GUCY2C: variants seen among roughly 807,000 people sequenced by gnomAD.
GUCY2C encodes the protein guanylate cyclase 2C.
In GUCY2C, 118 loss-of-function variants were observed where a neutral mutation model predicts 131.1. That is an observed-to-expected ratio of 0.90 (90% CI 0.78 to 1.05). The LOEUF is 1.05. GUCY2C is among the 50% of genes least tolerant of loss of function. GUCY2C has a pLI of 0.00. For synonymous variants in GUCY2C, 452 were observed against 457.8 expected, an observed-to-expected ratio of 0.99 and a Z score of 0.16; for missense variants, 1,161 against 1,304.4, an observed-to-expected ratio of 0.89 and a Z score of 1.69.
At chr12:14,621,793 C>G (rs1311340260) in intron 22 of GUCY2C, among the ~76,000 whole-genome samples, 2 of 152,102 alleles carry the variant, frequency 1.3e-5, no homozygotes, top group Non-Finnish European at 2.9e-5. Flanking sequence ...CCTGTTGTAT[C>G]TTTTTTGCTG....
chr12:14,659,487 C>A (rs1947824688), intron 11 of GUCY2C, among the ~76,000 whole-genome samples: 1 of 152,172 alleles, frequency 6.6e-6, no homozygotes, highest in South Asian at 2.1e-4. Flanking sequence ...TTGACAAACT[C>A]ATTCTCACCT....
At chr12:14,656,178 G>A (rs1299594694) in intron 12 of GUCY2C, among the ~76,000 whole-genome samples, 1 of 152,148 alleles carries the variant, frequency 6.6e-6, no homozygotes, top group Non-Finnish European at 1.5e-5. Context: ...GGATAGATTA[G>A]CATCCAAGGT....
intron 19 of GUCY2C, among the ~76,000 whole-genome samples, chr12:14,633,740 G>T (rs1360944578): frequency 6.6e-6 from 1 of 151,706 alleles, no homozygotes; most frequent in Non-Finnish European, 1.5e-5. Flanking sequence ...ACAAACTCTG[G>T]AACTGAAGAA....
chr12:14,656,722 T>G (rs1429043344), intron 11 of GUCY2C, 105 bp from the exon 12 acceptor site: 2 of 582,336 alleles, frequency 3.4e-6, no homozygotes, highest in Non-Finnish European at 6.3e-6. Context: ...CAGGTAGATA[T>G]GTGTGAGGGA....
At position 14,679,730 on chromosome 12, in the gene GUCY2C, C is replaced by T; in HGVS notation, c.757G>A (p.Glu253Lys). The T allele has an allele frequency of 6.3e-7, 1 of 1,584,938 alleles. No homozygotes were observed. The highest frequency in any genetic ancestry group is 8.7e-7 in the Non-Finnish European group (1 of 1,153,522). Residue 253 changes from glutamate to lysine, a missense_variant, in exon 6 of 27, where the codon GAG becomes AAG. Physicochemically the swap from Glu to Lys is moderately conservative, Grantham distance 56. Transcript: ENST00000261170. ...SNVIIMCGGP[E>K]FLYKLKGDRA... Reference sequence around the variant, plus strand: ...TCACCCTTCAGCTTGTAGAGGAACTCTGGACCACCACACATAATAATCACT... The same window carrying T: ...TCACCCTTCAGCTTGTAGAGGAACTTTGGACCACCACACATAATAATCACT...
At chr12:14,614,365 A>T (rs1028433441) in intron 26 of GUCY2C, among the ~76,000 whole-genome samples, 8 of 152,184 alleles carry the variant, frequency 5.3e-5, no homozygotes, top group African/African-American at 7.2e-5. Flanking sequence ...TGCATAAACT[A>T]TAAGTTAAGT....
rs899393017 is a variant in GUCY2C at position 14,669,849 on chromosome 12, A to G, written c.1171-16T>C. 3.8e-6 allele frequency: 4 copies of G among 1,055,414 alleles called. No individual in the cohort carries two copies. The highest frequency in any genetic ancestry group is 5.7e-6 in the Non-Finnish European group (4 of 700,074). 65.4% of individuals were successfully genotyped at this position (1,055,414 alleles called of 1,614,324 possible). On this transcript the variant is annotated splice_polypyrimidine_tract_variant and intron_variant, in intron 9 of 26. Transcript: ENST00000261170. ...GAACCTTGTACTGTGTCAGGGCACA[A>G]AAAAGAAAAAGGATGAACAGTAAAA...
intron 1 of GUCY2C, among the ~76,000 whole-genome samples, chr12:14,692,103 T>G (rs1948585487): frequency 6.6e-6 from 1 of 152,206 alleles, no homozygotes; most frequent in Non-Finnish European, 1.5e-5. Flanking sequence ...TATGAGCCAC[T>G]GAGGTACCCT....
At position 14,622,345 on chromosome 12, in the gene GUCY2C, T is replaced by A. The variant is rs566069213; in HGVS notation, c.2409-148A>T. 1.6e-4 allele frequency: 88 copies of A among 563,388 alleles called. 1 individual carries two copies. The highest frequency in any genetic ancestry group is 2.4e-4 in the Non-Finnish European group (78 of 325,050). The allele number at this position is 563,388 out of a possible 1,614,324, so 34.9% of individuals were successfully genotyped here. A position where few individuals can be genotyped will look rare whatever the true frequency, so the allele number is the denominator to read the frequency against. On this transcript the variant is annotated intron_variant, in intron 21 of 26. Coordinates refer to ENST00000261170, the MANE Select transcript of GUCY2C (RefSeq NM_004963.4). ...TTGAGTGAATCGGAAACAGAGGTTG[T>A]GTATATCATATACATGAACATATTA...
In GUCY2C at chr12:14,669,834, C is replaced by T. The variant is rs753493566; in HGVS notation, c.1171-1G>A. 4 of 1,391,190 alleles carry T rather than the reference C, an allele frequency of 2.9e-6. No individual in the cohort carries two copies. The highest frequency in any genetic ancestry group is 1.4e-5 in the African/African-American group (1 of 69,542). The allele number at this position is 1,391,190 out of a possible 1,614,324, so 86.2% of individuals were successfully genotyped here. Reference sequence around the variant, plus strand: ...TATCATAGGTCAAAAGAACCTTGTACTGTGTCAGGGCACAAAAAAGAAAAA... The same window carrying T: ...TATCATAGGTCAAAAGAACCTTGTATTGTGTCAGGGCACAAAAAAGAAAAA... On this transcript the variant is annotated splice_acceptor_variant, in intron 9 of 26. Coordinates refer to ENST00000261170, the MANE Select transcript of GUCY2C (RefSeq NM_004963.4). LOFTEE classifies it high-confidence loss of function.
chr12:14,643,896 A>C (rs1404076804), intron 16 of GUCY2C, among the ~76,000 whole-genome samples, 190 bp from the exon 17 acceptor site: 1 of 152,170 alleles, frequency 6.6e-6, no homozygotes, highest in Non-Finnish European at 1.5e-5. Context: ...CTTTATATCT[A>C]GTTTCAAAGT....
intron 24 of GUCY2C, 67 bp downstream of exon 24, chr12:14,619,144 T>A: frequency 1.1e-6 from 1 of 870,518 alleles, no homozygotes; most frequent in Non-Finnish European, 1.9e-6. Flanking sequence ...GTGCATTTTA[T>A]CTCACAGTTG....
chr12:14,652,760 T>C (rs891108110), intron 13 of GUCY2C, among the ~76,000 whole-genome samples, 192 bp downstream of exon 13: 9 of 152,280 alleles, frequency 5.9e-5, no homozygotes, highest in African/African-American at 1.9e-4. Flanking sequence ...TCTTCCATTT[T>C]CCCCAGGATT....
chr12:14,659,797 G>A (rs1478113064), intron 11 of GUCY2C, among the ~76,000 whole-genome samples: 1 of 152,208 alleles, frequency 6.6e-6, no homozygotes, highest in East Asian at 1.9e-4. Flanking sequence ...CAAACTGCAT[G>A]TGTACCACCT....
chr12:14,691,317 T>C (rs1009566284), intron 1 of GUCY2C, among the ~76,000 whole-genome samples: 8 of 152,058 alleles, frequency 5.3e-5, no homozygotes, highest in Non-Finnish European at 8.8e-5. Flanking sequence ...GAGTGATGGG[T>C]TTAATAGCAG....
In GUCY2C at chr12:14,657,632, A is replaced by G. The variant is rs541072521; in HGVS notation, c.1365-1015T>C. Among the ~76,000 whole-genome samples, 27 of 152,232 alleles carry G rather than the reference A, an allele frequency of 1.8e-4. No individual in the cohort carries two copies. In the South Asian group the frequency reaches 5.6e-3, roughly 32 times the overall value. On this transcript the variant is annotated intron_variant, in intron 11 of 26. Coordinates refer to ENST00000261170, the MANE Select transcript of GUCY2C (RefSeq NM_004963.4). The stretch of plus-strand genomic sequence containing the variant: ...ACATCAGTGGTGGCGTTAGATTCTC[A>G]CAGGACCGCGAACCCTATTGAGAAC...
At chr12:14,688,822 C>A (rs1245293504) in intron 1 of GUCY2C, among the ~76,000 whole-genome samples, 2 of 152,162 alleles carry the variant, frequency 1.3e-5, no homozygotes, top group Non-Finnish European at 2.9e-5. Context: ...GAGGGAACAG[C>A]AAGGGCAAAA....
chr12:14,636,752 A>C (rs1406948616), intron 19 of GUCY2C, among the ~76,000 whole-genome samples: 1 of 152,134 alleles, frequency 6.6e-6, no homozygotes, highest in Non-Finnish European at 1.5e-5. Flanking sequence ...CTTCACCAAA[A>C]AGCTCTTAGA....
intron 9 of GUCY2C, among the ~76,000 whole-genome samples, chr12:14,672,072 A>G (rs1948124596): frequency 2.4e-5 from 1 of 41,608 alleles, no homozygotes; most frequent in Non-Finnish European, 4.5e-5. Context: ...TAACACTCAC[A>G]TTGGAAAATG....
Sources: allele counts gnomAD v4.1 joint callset (sites outside exome capture counted in the v4.1 genomes callset), GRCh38; gene constraint gnomAD v4.1.1; transcripts MANE v1.5; gene names NCBI Gene and HGNC (gene_info 2026-07-23, HGNC 2026-07-21).